CDH4: variants seen among roughly 807,000 people sequenced by gnomAD.
The protein encoded by CDH4 is cadherin 4.
CDH4 carries 33 observed loss-of-function variants against 86.0 expected under a neutral mutation model. The observed-to-expected ratio is 0.38, with a 90% CI of 0.29 to 0.51. The LOEUF is 0.51. Ranked by LOEUF, CDH4 falls within the 20% of genes least tolerant of loss-of-function variation. The probability of loss-of-function intolerance (pLI) is 0.86; values close to 1 mark genes in which losing one functional copy is unlikely to be tolerated. For missense variants in CDH4, 1,114 were observed against 1,307.4 expected (o/e 0.85, Z 2.28); for synonymous variants, 555 against 549.4 (o/e 1.01, Z -0.14).
intron 2 of CDH4, chr20:61,718,842 C>T (rs768991962): frequency 2.1e-6 from 1 of 471,076 alleles, no homozygotes; most frequent in Non-Finnish European, 4.4e-6. Flanking sequence ...ACAGCTGGCT[C>T]TATCTTGGAC....
At chr20:61,931,704 G>A (rs763756000) in intron 13 of CDH4, among the ~76,000 whole-genome samples, 22 of 152,122 alleles carry the variant, frequency 1.4e-4, no homozygotes, top group Admixed American at 4.6e-4. Context: ...AGATGGGTGC[G>A]CCAGGCTTTT....
intron 4 of CDH4, among the ~76,000 whole-genome samples, chr20:61,817,277 C>T (rs991233727): frequency 2.0e-5 from 3 of 152,262 alleles, no homozygotes; most frequent in Non-Finnish European, 2.9e-5. Context: ...TGCCCCTCAC[C>T]GGGCCCAGCC....
intron 2 of CDH4, among the ~76,000 whole-genome samples, chr20:61,411,067 T>A (rs1411205032): frequency 6.6e-6 from 1 of 151,276 alleles, no homozygotes; most frequent in Non-Finnish European, 1.5e-5. Context: ...TCTTCCTACT[T>A]GTTAGCCCAT....
chr20:61,913,155 C>T (rs546980446), intron 9 of CDH4, among the ~76,000 whole-genome samples: 1 of 152,278 alleles, frequency 6.6e-6, no homozygotes, highest in South Asian at 2.1e-4. Flanking sequence ...GAGATCAGCA[C>T]CTGTCTCACC....
At chr20:61,875,929 G>A (rs902497245) in intron 7 of CDH4, among the ~76,000 whole-genome samples, 7 of 119,574 alleles carry the variant, frequency 5.9e-5, no homozygotes, top group East Asian at 2.0e-4. Flanking sequence ...CCCTGTTTGC[G>A]CTCCCCCAAC....
chr20:61,361,086 G>A (rs1031556346), intron 2 of CDH4, among the ~76,000 whole-genome samples: 10 of 152,234 alleles, frequency 6.6e-5, no homozygotes, highest in South Asian at 4.2e-4. Flanking sequence ...CGAGGCTGGC[G>A]TCATAGAGTT....
intron 2 of CDH4, among the ~76,000 whole-genome samples, chr20:61,664,483 C>T (rs1241932140): frequency 1.3e-5 from 2 of 152,206 alleles, no homozygotes; most frequent in African/African-American, 2.4e-5. Context: ...TGAAGATCTC[C>T]GAAAATGCAG....
At chr20:61,326,774 T>A (rs1008881677) in intron 2 of CDH4, among the ~76,000 whole-genome samples, 1 of 152,292 alleles carries the variant, frequency 6.6e-6, no homozygotes, top group Middle Eastern at 3.4e-3. Flanking sequence ...TTTTTTTCAT[T>A]TCCTTGGAGG....
chr20:61,614,773 G>A (rs764466390), intron 2 of CDH4, among the ~76,000 whole-genome samples: 12 of 152,118 alleles, frequency 7.9e-5, no homozygotes, highest in Non-Finnish European at 2.9e-5. Flanking sequence ...AATTCAGTGA[G>A]GGGGTGACTC....
At chr20:61,599,887 T>C (rs2086585411) in intron 2 of CDH4, 1 of 985,496 alleles carries the variant, frequency 1.0e-6, no homozygotes, top group Non-Finnish European at 1.2e-6. Flanking sequence ...TTCTCAGCCG[T>C]GCACTCACAG....
chr20:61,577,395 A>AC (rs1270965982), intron 2 of CDH4, among the ~76,000 whole-genome samples: 2 of 152,086 alleles, frequency 1.3e-5, no homozygotes, highest in Non-Finnish European at 2.9e-5. Flanking sequence ...TTGTATATTG[A>AC]AGGATGAGTG....
At chr20:61,873,930 G>C (rs557350352) in intron 7 of CDH4, 30 bp downstream of exon 7, 4 of 1,608,000 alleles carry the variant, frequency 2.5e-6, no homozygotes, top group Non-Finnish European at 3.4e-6. Context: ...GCGTGCAGGC[G>C]GGTGAGCTCC....
intron 6 of CDH4, among the ~76,000 whole-genome samples, chr20:61,859,760 C>G (rs1223751112): frequency 6.6e-6 from 1 of 152,286 alleles, no homozygotes; most frequent in Non-Finnish European, 1.5e-5. Context: ...CCTGCCAACA[C>G]TGCAGGATGA....
At chr20:61,572,984 G>A (rs535291782) in intron 2 of CDH4, among the ~76,000 whole-genome samples, 325 of 149,976 alleles carry the variant, frequency 2.2e-3, no homozygotes, top group Middle Eastern at 0.01. Flanking sequence ...ATGGATGGAC[G>A]GATAGACGGA....
chr20:61,882,935 C>T (rs998777546), intron 7 of CDH4, among the ~76,000 whole-genome samples: 5 of 152,072 alleles, frequency 3.3e-5, no homozygotes, highest in East Asian at 1.9e-4. Flanking sequence ...ACTCAGACCA[C>T]GGAGCACATG....
At chr20:61,580,648 A>G (rs2077600060) in intron 2 of CDH4, among the ~76,000 whole-genome samples, 2 of 151,734 alleles carry the variant, frequency 1.3e-5, no homozygotes, top group South Asian at 2.1e-4. Flanking sequence ...CTAGGGGGGG[A>G]AATTAGCCCC....
At chr20:61,330,814 A>G (rs2084568752) in intron 2 of CDH4, among the ~76,000 whole-genome samples, 2 of 152,070 alleles carry the variant, frequency 1.3e-5, no homozygotes, top group African/African-American at 2.4e-5. Flanking sequence ...ATCCCTTCCA[A>G]TCGCTGCCTG....
At chr20:61,863,771 G>A (rs990606365) in intron 6 of CDH4, among the ~76,000 whole-genome samples, 4 of 152,190 alleles carry the variant, frequency 2.6e-5, no homozygotes, top group East Asian at 1.9e-4. Context: ...GAGGTGAAGC[G>A]AGGGTGCAGA....
At chr20:61,543,852 G>A (rs1208010658) in intron 2 of CDH4, among the ~76,000 whole-genome samples, 1 of 152,244 alleles carries the variant, frequency 6.6e-6, no homozygotes, top group African/African-American at 2.4e-5. Context: ...CTGTTGACCT[G>A]ATGGAATGGA....
Sources: gnomAD v4.1 joint callset for allele counts (sites outside exome capture counted in the v4.1 genomes callset) on GRCh38, gnomAD v4.1.1 for gene constraint, MANE v1.5 for transcripts, NCBI Gene and HGNC (gene_info 2026-07-23, HGNC 2026-07-21) for gene names.